The following NRIP3 variants were observed in gnomAD, a reference collection of about 807,000 sequenced individuals.
NRIP3 encodes the protein nuclear receptor interacting protein 3.
A neutral mutation model predicts 29.0 loss-of-function variants in NRIP3; 31 were observed. The ratio of observed to expected loss-of-function variants is 1.07; its 90% CI spans 0.80 to 1.44. The LOEUF is 1.44. NRIP3 is among the 40% of genes most tolerant of loss of function. The pLI, the probability that NRIP3 is intolerant of heterozygous loss-of-function variation, is 0.00. For missense variants in NRIP3, 314 were observed against 297.9 expected (o/e 1.05, Z -0.40); for synonymous variants, 131 against 118.3 (o/e 1.11, Z -0.70).
chr11:8,999,530 C>T (rs960397512), intron 1 of NRIP3, among the ~76,000 whole-genome samples: 7 of 151,988 alleles, frequency 4.6e-5, no homozygotes, highest in African/African-American at 1.2e-4. Context: ...AGGTTAAAAC[C>T]CAAATGCATA....
Position 8,993,537 on chromosome 11 carries a change from G to A in NRIP3, c.175-5255C>T, listed in dbSNP as rs547155592. On this transcript the variant is annotated intron_variant, in intron 1 of 6. Transcript: ENST00000309166. ...ATAATAGAAAATCAGGGCTGGGTGC[G>A]GTGGCTTACACCTGTAATCCCAGCA... Among the ~76,000 whole-genome samples, 25 of 152,164 alleles carry A rather than the reference G, an allele frequency of 1.6e-4. No individual in the cohort carries two copies. The South Asian group carries it at 4.0e-3, about 24-fold the overall frequency.
chr11:8,989,358 A>G (rs1004336851), intron 1 of NRIP3, among the ~76,000 whole-genome samples: 1 of 152,222 alleles, frequency 6.6e-6, no homozygotes, highest in African/African-American at 2.4e-5. Flanking sequence ...CCCTCAAAGG[A>G]GAGTGTTTCA....
intron 3 of NRIP3, 83 bp from the exon 4 acceptor site, chr11:8,985,933 T>G: frequency 6.7e-7 from 1 of 1,495,674 alleles, no homozygotes; most frequent in African/African-American, 1.4e-5. Flanking sequence ...TGACCTACAA[T>G]TGGAATTCTC....
chr11:8,997,744 A>G (rs1854734072), intron 1 of NRIP3, among the ~76,000 whole-genome samples: 1 of 152,238 alleles, frequency 6.6e-6, no homozygotes, highest in Non-Finnish European at 1.5e-5. Flanking sequence ...GTTTGAAGAA[A>G]AGAGAGGTGA....
upstream of NRIP3, chr11:9,004,479 C>T (rs12796375): frequency 0.22 from 32,954 of 152,376 alleles, 3,909 homozygotes; most frequent in Middle Eastern, 0.39. Context: ...GGGTCCACCG[C>T]CCGGGCCCGG....
rs188202107 is a variant in NRIP3 at position 8,985,469 on chromosome 11, G to A, written c.562+242C>T. On this transcript the variant is annotated intron_variant, in intron 4 of 6. Coordinates refer to ENST00000309166, the MANE Select transcript of NRIP3 (RefSeq NM_020645.3). The stretch of plus-strand genomic sequence containing the variant: ...CAGGCATGACCCACCGCACCCGGCC[G>A]AATTTTTTTTTTATCTGACCACATT... 9.9e-3 allele frequency among the ~76,000 whole-genome samples: 1,288 copies of A among 130,296 alleles called. 27 individuals are homozygous for A. The highest frequency in any genetic ancestry group is 0.035 in the African/African-American group (1,245 of 35,658). 85.5% of individuals were successfully genotyped at this position (130,296 alleles called of 152,430 possible).
intron 1 of NRIP3, among the ~76,000 whole-genome samples, chr11:8,992,719 G>C (rs1404020012): frequency 6.6e-6 from 1 of 151,910 alleles, no homozygotes; most frequent in Admixed American, 6.6e-5. Flanking sequence ...GACCAGCCTG[G>C]CCAAGCCAAC....
chr11:9,004,143 C>CCGCGTCT (rs574274937), upstream of NRIP3: 87 of 406,194 alleles, frequency 2.1e-4, 9 homozygotes, highest in Non-Finnish European at 3.2e-4. Context: ...GTCCCGCGTC[C>CCGCGTCT]CCTGCTCACC....
intron 1 of NRIP3, among the ~76,000 whole-genome samples, chr11:8,999,926 G>A (rs947407545): frequency 1.3e-5 from 2 of 152,012 alleles, no homozygotes; most frequent in South Asian, 2.1e-4. Flanking sequence ...TTTCTCCATA[G>A]AAAATATTTA....
At chr11:8,984,039 G>A in intron 5 of NRIP3, 33 bp downstream of exon 5, 1 of 1,600,512 alleles carries the variant, frequency 6.2e-7, no homozygotes, top group Non-Finnish European at 8.6e-7. Context: ...CCTCAGAGAG[G>A]AAGTATCAAG....
Position 8,980,904 on chromosome 11 carries a change from T to C in NRIP3, c.*2641A>G, listed in dbSNP as rs1192161274. On this transcript the variant is annotated 3_prime_UTR_variant, in exon 7 of 7. Coordinates refer to ENST00000309166, the MANE Select transcript of NRIP3 (RefSeq NM_020645.3). Reference sequence around the variant, plus strand: ...AGTCAGGCATGGAAATATCAAATGATAAAACCAATATTTTTCAAACTCTGT... The same window carrying C: ...AGTCAGGCATGGAAATATCAAATGACAAAACCAATATTTTTCAAACTCTGT... 1 of 152,204 alleles carries C rather than the reference T, an allele frequency of 6.6e-6. No homozygotes were observed. Among genetic ancestry groups the C allele is most frequent in the Non-Finnish European group, 1.5e-5 (1 of 68,048 alleles). The allele number at this position is 152,204 out of a possible 1,614,324, so 9.4% of individuals were successfully genotyped here.
At chr11:8,989,208 A>G (rs1753546809) in intron 1 of NRIP3, among the ~76,000 whole-genome samples, 4 of 152,232 alleles carry the variant, frequency 2.6e-5, no homozygotes. Flanking sequence ...CACTGTTTCT[A>G]TTCAAAGTGG....
rs1854415711 is a variant in NRIP3, at chr11:8,981,467, A to T, written c.*2078T>A. 7 of 16,774 alleles carry T rather than the reference A, an allele frequency of 4.2e-4. No homozygotes were observed. In the South Asian group the frequency reaches 7.9e-3, roughly 19 times the overall value. 1.0% of individuals were successfully genotyped at this position (16,774 alleles called of 1,614,324 possible). ...TGGGCAACAGAGTGAGACTCTGTCT[A>T]AAAAAAAAAAAAAAAAAAGAATAAA... On this transcript the variant is annotated 3_prime_UTR_variant, in exon 7 of 7. Coordinates refer to ENST00000309166, the MANE Select transcript of NRIP3 (RefSeq NM_020645.3).
At chr11:8,999,731 CT>C (rs1338932513) in intron 1 of NRIP3, among the ~76,000 whole-genome samples, 1 of 152,132 alleles carries the variant, frequency 6.6e-6, no homozygotes, top group Non-Finnish European at 1.5e-5. Flanking sequence ...CACCTCAGTC[CT>C]TTGCACTTGC....
At position 8,982,636 on chromosome 11, in the gene NRIP3, TC is replaced by T. The variant is rs899632292; in HGVS notation, c.*908del. The T allele has an allele frequency of 3.0e-5, 6 of 201,738 alleles. No individual in the cohort carries two copies. In the Admixed American group the frequency reaches 3.5e-4, roughly 12 times the overall value. The allele number at this position is 201,738 out of a possible 1,614,324, so 12.5% of individuals were successfully genotyped here. ...TTAATATTCCTCTGTCTGTGGTTCC[TC>T]CTTTCCTCCAAGAGGTTCACAGTGA... On this transcript the variant is annotated 3_prime_UTR_variant, in exon 7 of 7. Transcript: ENST00000309166.
intron 1 of NRIP3, among the ~76,000 whole-genome samples, chr11:8,995,034 C>A (rs927112784): frequency 3.3e-5 from 5 of 152,036 alleles, no homozygotes; most frequent in Non-Finnish European, 7.4e-5. Flanking sequence ...ATCAAACTTG[C>A]GCATTCTCCC....
In NRIP3 at chr11:8,989,537, A is replaced by G. The variant is rs1417279408; in HGVS notation, c.175-1255T>C. On this transcript the variant is annotated intron_variant, in intron 1 of 6. Coordinates refer to ENST00000309166, the MANE Select transcript of NRIP3 (RefSeq NM_020645.3). The stretch of plus-strand genomic sequence containing the variant: ...CCTAAGGAAGAATGCAGTCACAGCC[A>G]TGACTCATTGTAACCCTAGTGAGAT... 6.6e-5 allele frequency among the ~76,000 whole-genome samples: 10 copies of G among 152,222 alleles called. No individual in the cohort carries two copies. The East Asian group carries it at 1.9e-3, about 29-fold the overall frequency.
chr11:8,983,513 A>C lies in NRIP3; in HGVS notation c.*32T>G, dbSNP rs760098155. The stretch of plus-strand genomic sequence containing the variant: ...CTATCTGTCAACCCGGTGTGTATGC[A>C]TGCACACGTGCAGACATGCTGCAGG... On this transcript the variant is annotated 3_prime_UTR_variant, in exon 7 of 7. Coordinates refer to ENST00000309166, the MANE Select transcript of NRIP3 (RefSeq NM_020645.3). The C allele has an allele frequency of 8.1e-6, 13 of 1,609,694 alleles. No homozygotes were observed. The highest frequency in any genetic ancestry group is 1.0e-5 in the Non-Finnish European group (12 of 1,176,686).
chr11:9,002,584 G>C (rs1241492300), intron 1 of NRIP3, among the ~76,000 whole-genome samples: 8 of 106,384 alleles, frequency 7.5e-5, no homozygotes, highest in Non-Finnish European at 1.8e-5. Context: ...TGTATCATTA[G>C]AGCTGTTAAA....
Sources: allele counts gnomAD v4.1 joint callset (sites outside exome capture counted in the v4.1 genomes callset), GRCh38; gene constraint gnomAD v4.1.1; transcripts MANE v1.5; gene names NCBI Gene and HGNC (gene_info 2026-07-23, HGNC 2026-07-21).